ISG20: variants seen among roughly 807,000 people sequenced by gnomAD.
ISG20 encodes interferon-stimulated gene 20 kDa protein.
ISG20 carries 8 observed loss-of-function variants against 11.1 expected under a neutral mutation model. The observed-to-expected ratio is 0.72, with a 90% CI of 0.42 to 1.30. The LOEUF (loss-of-function observed/expected upper bound fraction) is 1.30, where lower values mean the gene tolerates loss of function less well. Among genes scored for constraint, ISG20 ranks in the 50% most tolerant of loss-of-function variants. ISG20 has a pLI of 0.01. For missense variants in ISG20, 243 were observed against 250.2 expected, an observed-to-expected ratio of 0.97 and a Z score of 0.19; for synonymous variants, 110 against 101.7, an observed-to-expected ratio of 1.08 and a Z score of -0.49.
chr15:88,654,918 C>A (rs1012835759), intron 3 of ISG20, among the ~76,000 whole-genome samples: 50 of 152,334 alleles, frequency 3.3e-4, no homozygotes, highest in African/African-American at 1.2e-3. Context: ...TTTCACACAC[C>A]CCCTGCCCCC....
chr15:88,655,343 A>G, intron 3 of ISG20, 72 bp from the exon 4 acceptor site: 1 of 1,371,678 alleles, frequency 7.3e-7, no homozygotes. Context: ...GGATGTGACC[A>G]GGGAAGACCC....
intron 2 of ISG20, chr15:88,651,132 C>T: frequency 1.2e-5 from 10 of 863,904 alleles, no homozygotes; most frequent in Non-Finnish European, 1.3e-5. Flanking sequence ...AGCCCATATG[C>T]AATGGGAGGG....
chr15:88,638,606 C>T (rs1268544328), upstream of ISG20: 1 of 152,366 alleles, frequency 6.6e-6, no homozygotes, highest in Non-Finnish European at 1.5e-5. Flanking sequence ...GAGCCAGCTT[C>T]CCTACCCCAT....
At chr15:88,636,998 AAG>A (rs1169705605), upstream of ISG20, among the ~76,000 whole-genome samples, 1 of 148,976 alleles carries the variant, frequency 6.7e-6, no homozygotes, top group Non-Finnish European at 1.5e-5. Context: ...GGAAGACAGA[AAG>A]AGCCAGTGTG....
At position 88,639,068 on chromosome 15, in the gene ISG20, G is replaced by A. The variant is rs141648589; in HGVS notation, c.-33G>A. Reference sequence around the variant, plus strand: ...GGCAGACGTGAGCTGAGGGCGCAGAGGCAGGCAGGTGAGAGCGGGAGCTGG... The same window carrying A: ...GGCAGACGTGAGCTGAGGGCGCAGAAGCAGGCAGGTGAGAGCGGGAGCTGG... On this transcript the variant is annotated 5_prime_UTR_variant, in exon 1 of 4. Transcript: ENST00000306072. This position sits in a 1 kb window ranked among gnomAD's most constrained non-coding sequence, Gnocchi z 4.2. 1,233 of 508,472 alleles carry A rather than the reference G, an allele frequency of 2.4e-3. 13 individuals are homozygous for A. The highest frequency in any genetic ancestry group is 0.022 in the African/African-American group (1,133 of 52,454). 31.5% of individuals were successfully genotyped at this position (508,472 alleles called of 1,614,324 possible). A position where few individuals can be genotyped will look rare whatever the true frequency, so the allele number is the denominator to read the frequency against.
At position 88,652,261 on chromosome 15, in the gene ISG20, G is replaced by C; in HGVS notation, c.380G>C (p.Arg127Pro). Reference sequence around the variant, plus strand: ...GAGGCCAAGCTGGACCACTGCAGGCGTGTCTCCCTGCGGGTGCTGAGTGAG... The same window carrying C: ...GAGGCCAAGCTGGACCACTGCAGGCCTGTCTCCCTGCGGGTGCTGAGTGAG... ...WREAKLDHCR[R>P]VSLRVLSERL... Residue 127 changes from arginine to proline, a missense_variant, in exon 3 of 4, where the codon CGT becomes CCT. Physicochemically the swap from Arg to Pro is moderately radical, Grantham distance 103. Transcript: ENST00000306072. 1 of 1,613,698 alleles carries C rather than the reference G, an allele frequency of 6.2e-7. No homozygotes were observed. The highest frequency in any genetic ancestry group is 8.5e-7 in the Non-Finnish European group (1 of 1,179,746).
upstream of ISG20, among the ~76,000 whole-genome samples, chr15:88,637,584 C>T (rs2058005028): frequency 6.6e-6 from 1 of 152,028 alleles, no homozygotes; most frequent in African/African-American, 2.4e-5. Flanking sequence ...GAATTAGAGG[C>T]AGCTCAGGTG....
intron 3 of ISG20, among the ~76,000 whole-genome samples, chr15:88,653,877 C>T (rs983084313): frequency 3.9e-5 from 6 of 152,156 alleles, no homozygotes; most frequent in Admixed American, 1.3e-4. Flanking sequence ...CCAAGCTGCG[C>T]GCATGGTAGA....
intron 2 of ISG20, chr15:88,648,571 C>G (rs1050868982): frequency 3.3e-5 from 5 of 152,418 alleles, no homozygotes; most frequent in African/African-American, 1.2e-4. Flanking sequence ...GCACCGTTAT[C>G]ATTGTGTGCC....
chr15:88,645,324 C>A (rs1793597856), intron 2 of ISG20, among the ~76,000 whole-genome samples: 1 of 152,154 alleles, frequency 6.6e-6, no homozygotes, highest in African/African-American at 2.4e-5. Context: ...AAGCGCGGTG[C>A]CTGGTTCACA....
chr15:88,655,572 G>C lies in ISG20; in HGVS notation c.*41G>C. On this transcript the variant is annotated 3_prime_UTR_variant, in exon 4 of 4. Transcript: ENST00000306072. ...GTTCCGCAGGGACTAGAGGCTTTCG[G>C]CTTTTTGGGACAGCAACTACCTTGC... 1 of 1,470,422 alleles carries C rather than the reference G, an allele frequency of 6.8e-7. No homozygotes were observed. The highest frequency in any genetic ancestry group is 9.3e-7 in the Non-Finnish European group (1 of 1,072,404). The allele number at this position is 1,470,422 out of a possible 1,614,324, so 91.1% of individuals were successfully genotyped here. A position where few individuals can be genotyped will look rare whatever the true frequency, so the allele number is the denominator to read the frequency against.
At chr15:88,641,926 C>CTTTTTT (rs140178121) in intron 2 of ISG20, among the ~76,000 whole-genome samples, 32 of 102,852 alleles carry the variant, frequency 3.1e-4, no homozygotes, top group African/African-American at 7.1e-4. Context: ...TTAGCTTCCT[C>CTTTTTT]TTTTTTTTTT....
chr15:88,638,980 C>T (rs146969831), upstream of ISG20: 86 of 263,380 alleles, frequency 3.3e-4, 1 homozygote, highest in Middle Eastern at 2.5e-3. Context: ...CCGATGCCGG[C>T]TTGGAGTTAG....
chr15:88,653,962 T>TAAG (rs2058331682), intron 3 of ISG20, among the ~76,000 whole-genome samples: 2 of 152,086 alleles, frequency 1.3e-5, no homozygotes, highest in Non-Finnish European at 2.9e-5. Context: ...GTTCTCTCAT[T>TAAG]CCATCCTTTA....
chr15:88,647,022 T>C, intron 2 of ISG20: 1 of 152,568 alleles, frequency 6.6e-6, no homozygotes, highest in Non-Finnish European at 1.5e-5. Flanking sequence ...CCTCCTGCCT[T>C]GGCCTCCCAT....
intron 3 of ISG20, among the ~76,000 whole-genome samples, chr15:88,654,827 C>T (rs1030507179): frequency 5.3e-5 from 8 of 152,162 alleles, no homozygotes; most frequent in African/African-American, 1.2e-4. Flanking sequence ...ATAGCACTAC[C>T]CCATAAAGTC....
At chr15:88,642,125 C>T (rs767607177) in intron 2 of ISG20, among the ~76,000 whole-genome samples, 6 of 151,700 alleles carry the variant, frequency 4.0e-5, no homozygotes, top group East Asian at 3.9e-4. Flanking sequence ...GACGGGGTTT[C>T]GCCCTGTTGC....
Position 88,639,508 on chromosome 15 carries a change from G to C in ISG20, c.142G>C (p.Glu48Gln). 6.2e-7 allele frequency: 1 copy of C among 1,614,216 alleles called. No homozygotes were observed. ...CGACAAGTTCATCCGGCCTGAGGGA[G>C]AGATCACCGATTACAGAACCCGGGT... is the stretch of plus-strand genomic sequence containing the variant. ...LYDKFIRPEGEITDYRTRVSG... is the reference protein window; with the variant it reads ...LYDKFIRPEGQITDYRTRVSG... Residue 48 changes from glutamate to glutamine, a missense_variant, in exon 2 of 4, where the codon GAG (glutamate) becomes CAG (glutamine). By Grantham distance (29) the Glu-to-Gln change is conservative. Coordinates refer to ENST00000306072, the MANE Select transcript of ISG20 (RefSeq NM_002201.6). This position sits in a 1 kb window ranked among gnomAD's most constrained non-coding sequence, Gnocchi z 4.2.
chr15:88,647,382 C>G (rs901015820), intron 2 of ISG20: 1 of 152,174 alleles, frequency 6.6e-6, no homozygotes, highest in Admixed American at 6.5e-5. Context: ...TTCTGGTTGT[C>G]ACAGTGGCCG....
Sources: allele counts gnomAD v4.1 joint callset (sites outside exome capture counted in the v4.1 genomes callset), GRCh38; gene constraint gnomAD v4.1.1; non-coding constraint Gnocchi (gnomAD v3.1); transcripts MANE v1.5; gene names NCBI Gene and HGNC (gene_info 2026-07-23, HGNC 2026-07-21).